LIN28B: variants seen among roughly 807,000 people sequenced by gnomAD.
LIN28B encodes the protein lin-28 RNA binding posttranscriptional regulator B, also known as protein lin-28 homolog B.
LIN28B carries 5 observed loss-of-function variants against 21.9 expected under a neutral mutation model. The ratio of observed to expected loss-of-function variants is 0.23; its 90% CI spans 0.12 to 0.48. The LOEUF is 0.48. Ranked by LOEUF, LIN28B falls within the 20% of genes least tolerant of loss-of-function variation. LIN28B has a pLI of 0.98. For synonymous variants in LIN28B, 109 were observed against 111.3 expected, an observed-to-expected ratio of 0.98 and a Z score of 0.13; for missense variants, 245 against 310.5, an observed-to-expected ratio of 0.79 and a Z score of 1.58.
chr6:105,023,410 TTA>T (rs1771191328), intron 2 of LIN28B, among the ~76,000 whole-genome samples: 1 of 2,156 alleles, frequency 4.6e-4, no homozygotes, highest in African/African-American at 1.4e-3. Flanking sequence ...TATAATTATA[TTA>T]TATATAATAT....
intron 2 of LIN28B, among the ~76,000 whole-genome samples, chr6:104,994,259 C>T (rs535555051): frequency 4.3e-4 from 66 of 152,344 alleles, no homozygotes; most frequent in Admixed American, 1.5e-3. Flanking sequence ...CCGCCTCGGC[C>T]TCCCAAATTG....
chr6:105,036,450 C>T (rs1018990856), intron 3 of LIN28B, among the ~76,000 whole-genome samples: 8 of 152,122 alleles, frequency 5.3e-5, no homozygotes, highest in African/African-American at 1.7e-4. Context: ...TATCCAAGTC[C>T]TTTCTTCTTG....
At chr6:104,968,282 C>A (rs1284875787) in intron 2 of LIN28B, among the ~76,000 whole-genome samples, 2 of 152,180 alleles carry the variant, frequency 1.3e-5, no homozygotes, top group African/African-American at 2.4e-5. Context: ...ATTATACAGT[C>A]TCTACCAATT....
chr6:105,008,763 C>A (rs2114304509), intron 2 of LIN28B, among the ~76,000 whole-genome samples: 1 of 151,906 alleles, frequency 6.6e-6, no homozygotes, highest in Non-Finnish European at 1.5e-5. Context: ...TTGAAGAATG[C>A]AATGTTGCTA....
chr6:105,018,808 G>A (rs993446837), intron 2 of LIN28B, among the ~76,000 whole-genome samples: 1 of 151,870 alleles, frequency 6.6e-6, no homozygotes, highest in African/African-American at 2.4e-5. Context: ...AAAATTTTCT[G>A]AGAGTGCTTT....
At chr6:105,046,869 T>G (rs1401909927) in intron 3 of LIN28B, among the ~76,000 whole-genome samples, 2 of 152,148 alleles carry the variant, frequency 1.3e-5, no homozygotes, top group Non-Finnish European at 2.9e-5. Context: ...GGGTTGTTTG[T>G]TTTTTTCTTG....
chr6:104,939,248 C>G (rs993440417), intron 2 of LIN28B: 1 of 152,130 alleles, frequency 6.6e-6, no homozygotes, highest in Non-Finnish European at 1.5e-5. Context: ...TAAATTGATA[C>G]AATGATTATA....
At chr6:104,963,810 T>A (rs957402148) in intron 2 of LIN28B, among the ~76,000 whole-genome samples, 2 of 152,208 alleles carry the variant, frequency 1.3e-5, no homozygotes, top group South Asian at 4.1e-4. Context: ...AATTTTCAAT[T>A]CCTCTTTTAT....
intron 3 of LIN28B, among the ~76,000 whole-genome samples, chr6:105,041,307 C>A (rs995780798): frequency 6.6e-6 from 1 of 151,988 alleles, no homozygotes; most frequent in African/African-American, 2.4e-5. Context: ...AAATAATTAC[C>A]TTTTATCTAC....
chr6:104,975,418 C>T (rs964041038), intron 2 of LIN28B, among the ~76,000 whole-genome samples: 9 of 152,098 alleles, frequency 5.9e-5, no homozygotes, highest in African/African-American at 1.9e-4. Context: ...ACTAAATCCC[C>T]ACTACTACCA....
At chr6:104,992,734 T>A (rs1770517837) in intron 2 of LIN28B, among the ~76,000 whole-genome samples, 1 of 151,818 alleles carries the variant, frequency 6.6e-6, no homozygotes, top group African/African-American at 2.4e-5. Flanking sequence ...GGTTTTGAAC[T>A]CCTGTGCTCA....
intron 3 of LIN28B, among the ~76,000 whole-genome samples, chr6:105,074,638 C>T (rs1312169492): frequency 6.6e-6 from 1 of 152,176 alleles, no homozygotes; most frequent in African/African-American, 2.4e-5. Flanking sequence ...ATTAGAATTA[C>T]AGTATTTATA....
chr6:104,963,150 C>T (rs1769784399), intron 2 of LIN28B, among the ~76,000 whole-genome samples: 2 of 152,256 alleles, frequency 1.3e-5, no homozygotes, highest in South Asian at 4.1e-4. Flanking sequence ...GGGTTCACGC[C>T]ATTCTCCTGC....
At chr6:105,004,099 A>G (rs1770770041) in intron 2 of LIN28B, among the ~76,000 whole-genome samples, 1 of 152,160 alleles carries the variant, frequency 6.6e-6, no homozygotes, top group Admixed American at 6.5e-5. Context: ...CAGGAGAAAG[A>G]TGAAGGCTGG....
At chr6:104,981,647 CAA>C (rs913904930) in intron 2 of LIN28B, among the ~76,000 whole-genome samples, 5 of 152,160 alleles carry the variant, frequency 3.3e-5, no homozygotes, top group Admixed American at 6.6e-5. Context: ...GCTTCCTATT[CAA>C]AAGACAGTGA....
chr6:104,984,539 G>A (rs2114257021), intron 2 of LIN28B, among the ~76,000 whole-genome samples: 1 of 151,714 alleles, frequency 6.6e-6, no homozygotes, highest in South Asian at 2.1e-4. Flanking sequence ...CCAACTCCTG[G>A]GCCCAAGCGA....
intron 2 of LIN28B, among the ~76,000 whole-genome samples, chr6:104,949,825 C>A (rs1413399499): frequency 6.6e-6 from 1 of 152,044 alleles, no homozygotes; most frequent in African/African-American, 2.4e-5. Context: ...TTAGAAACAT[C>A]AATATTTACT....
chr6:104,939,607 A>G (rs1778055726), intron 2 of LIN28B: 1 of 152,242 alleles, frequency 6.6e-6, no homozygotes, highest in South Asian at 2.1e-4. Flanking sequence ...TCACACAGCA[A>G]CGGTTTGGAG....
chr6:105,003,424 A>G (rs577202613), intron 2 of LIN28B, among the ~76,000 whole-genome samples: 16 of 152,220 alleles, frequency 1.1e-4, no homozygotes, highest in Non-Finnish European at 1.5e-4. Context: ...CTTTACGAAG[A>G]ACTGAAGAAT....
Sources: allele counts gnomAD v4.1 joint callset (sites outside exome capture counted in the v4.1 genomes callset), GRCh38; gene constraint gnomAD v4.1.1; transcripts MANE v1.5; gene names NCBI Gene and HGNC (gene_info 2026-07-23, HGNC 2026-07-21).